Variants in STK31 observed in about 807,000 individuals in gnomAD.
The protein encoded by STK31 is serine/threonine-protein kinase 31.
A neutral mutation model predicts 129.7 loss-of-function variants in STK31; 89 were observed. That is an observed-to-expected ratio of 0.69 (90% CI 0.58 to 0.82). The LOEUF (loss-of-function observed/expected upper bound fraction) is 0.82. Ranked by LOEUF, STK31 falls within the 40% of genes least tolerant of loss-of-function variation. STK31 has a pLI of 0.00. For missense variants in STK31, 1,187 were observed against 1,176.4 expected (o/e 1.01, Z -0.13); for synonymous variants, 448 against 395.3 (o/e 1.13, Z -1.58).
At chr7:23,715,726 C>G (rs1297498212) in intron 3 of STK31, among the ~76,000 whole-genome samples, 2 of 152,146 alleles carry the variant, frequency 1.3e-5, no homozygotes. Context: ...AGTTCCTGTT[C>G]TATGCTGAGA....
upstream of STK31, chr7:23,710,112 G>A (rs1313998491): frequency 3.6e-6 from 4 of 1,124,748 alleles, no homozygotes; most frequent in Non-Finnish European, 5.0e-6. Context: ...GCGTCAGGCG[G>A]CTCCCGCACG....
At chr7:23,721,328 C>G in intron 4 of STK31, 1 of 698,094 alleles carries the variant, frequency 1.4e-6, no homozygotes, top group Non-Finnish European at 2.5e-6. Context: ...TAAAATATGT[C>G]AAGTAAGCTT....
Position 23,754,310 on chromosome 7 carries a change from A to C in STK31, c.1134-5A>C. 6.3e-7 allele frequency: 1 copy of C among 1,596,698 alleles called. No homozygotes were observed. The highest frequency in any genetic ancestry group is 1.2e-5 in the South Asian group (1 of 86,658). ...TCTTCTTCTTTTTGATGTTTTTAAA[A>C]ATAGGCATGTCGACATCAGTGTCCG... On this transcript the variant is annotated splice_region_variant and splice_polypyrimidine_tract_variant and intron_variant, in intron 9 of 23. Transcript: ENST00000355870.
intron 23 of STK31, among the ~76,000 whole-genome samples, chr7:23,825,202 A>G (rs1405519084): frequency 2.0e-5 from 3 of 152,292 alleles, no homozygotes; most frequent in Non-Finnish European, 2.9e-5. Context: ...CCTCTGGTAG[A>G]ATTTAGCTGT....
intron 1 of STK31, chr7:23,710,635 C>T: frequency 1.6e-6 from 2 of 1,229,174 alleles, no homozygotes; most frequent in South Asian, 3.9e-5. Context: ...TTCAAAATCC[C>T]TTATAAAATA....
chr7:23,760,669 C>CT (rs1460868574), intron 10 of STK31, among the ~76,000 whole-genome samples: 2 of 151,746 alleles, frequency 1.3e-5, no homozygotes, highest in South Asian at 2.1e-4. Context: ...AAAAATTACT[C>CT]TTTTTTTTGA....
intron 8 of STK31, among the ~76,000 whole-genome samples, chr7:23,742,468 G>A (rs1201351026): frequency 6.6e-6 from 1 of 152,232 alleles, no homozygotes; most frequent in African/African-American, 2.4e-5. Flanking sequence ...TTGGGTGCCT[G>A]TGGGATTCTG....
At chr7:23,803,441 A>G (rs1394747072) in intron 22 of STK31, among the ~76,000 whole-genome samples, 2 of 152,244 alleles carry the variant, frequency 1.3e-5, no homozygotes, top group African/African-American at 4.8e-5. Flanking sequence ...TTTTGGGCAT[A>G]TCAAAGATAC....
chr7:23,800,384 T>C (rs1447821250), intron 22 of STK31, among the ~76,000 whole-genome samples: 12 of 152,124 alleles, frequency 7.9e-5, no homozygotes, highest in Admixed American at 7.9e-4. Context: ...ATATACACCA[T>C]GCAATACTGT....
chr7:23,791,222 T>C lies in STK31; in HGVS notation c.2760+276T>C, dbSNP rs565227314. On this transcript the variant is annotated intron_variant, in intron 22 of 23. Coordinates refer to ENST00000355870, the MANE Select transcript of STK31 (RefSeq NM_031414.5). Reference sequence around the variant, plus strand: ...TTGTCCTACATTAATCTGAAAGCAGTTCATGCATATATGGAAAATAAATGT... The same window carrying C: ...TTGTCCTACATTAATCTGAAAGCAGCTCATGCATATATGGAAAATAAATGT... 1.1e-5 allele frequency: 11 copies of C among 965,004 alleles called. No homozygotes were observed. In the African/African-American group the frequency reaches 1.9e-4, roughly 17 times the overall value. 59.8% of individuals were successfully genotyped at this position (965,004 alleles called of 1,614,324 possible). A position where few individuals can be genotyped will look rare whatever the true frequency, so the allele number is the denominator to read the frequency against.
In STK31 at chr7:23,785,493, C is replaced by T; in HGVS notation, c.2164C>T (p.Leu722Phe). ...TTGTGCCTAGAACTCTGGTGGTCTCCTTACAATGAGCTTGGAACGAGATCT... is the reference window on the plus strand; with the variant it reads ...TTGTGCCTAGAACTCTGGTGGTCTCTTTACAATGAGCTTGGAACGAGATCT... ...LLKYMNSGGL[L>F]TMSLERDLLD... is the part of the protein sequence containing the mutation. The change falls in exon 18 of 24, where the codon CTT becomes TTT. Residue 722 changes from leucine (L) to phenylalanine (F), a missense_variant. This residue lies in a region of STK31 where 975 missense variants were observed against 934.9 expected (regional missense o/e 1.04). Coordinates refer to ENST00000355870, the MANE Select transcript of STK31 (RefSeq NM_031414.5). 6.2e-7 allele frequency: 1 copy of T among 1,613,710 alleles called. No homozygotes were observed. Among genetic ancestry groups the T allele is most frequent in the Non-Finnish European group, 8.5e-7 (1 of 1,179,756 alleles).
chr7:23,730,878 A>ATATATATATTTTTTTTTT, intron 6 of STK31, among the ~76,000 whole-genome samples: 1 of 59,552 alleles, frequency 1.7e-5, no homozygotes, highest in Non-Finnish European at 3.3e-5. Context: ...ATATATATAT[A>ATATATATATTTTTTTTTT]TTTTTTTTTT....
At chr7:23,762,333 T>A (rs1584402657) in intron 10 of STK31, among the ~76,000 whole-genome samples, 3 of 151,658 alleles carry the variant, frequency 2.0e-5, no homozygotes, top group Non-Finnish European at 4.4e-5. Flanking sequence ...TAATACAGTA[T>A]GGTAAGTGCT....
At chr7:23,727,645 C>T (rs1171376142) in intron 5 of STK31, 3 of 210,616 alleles carry the variant, frequency 1.4e-5, no homozygotes, top group African/African-American at 7.8e-5. Context: ...TCACTGCAAA[C>T]TCTGCCTCCT....
At chr7:23,744,686 C>G (rs1481098018) in intron 8 of STK31, among the ~76,000 whole-genome samples, 1 of 152,086 alleles carries the variant, frequency 6.6e-6, no homozygotes, top group Non-Finnish European at 1.5e-5. Context: ...GTAGCATAGT[C>G]TTTGTATGAT....
chr7:23,781,880 CT>C (rs1426339634), intron 16 of STK31, among the ~76,000 whole-genome samples: 2 of 151,964 alleles, frequency 1.3e-5, no homozygotes, highest in Non-Finnish European at 2.9e-5. Flanking sequence ...TGCATATTGC[CT>C]TTTTTCTGTT....
intron 23 of STK31, among the ~76,000 whole-genome samples, chr7:23,823,437 T>G (rs1418729814): frequency 1.3e-5 from 2 of 152,354 alleles, no homozygotes; most frequent in African/African-American, 4.8e-5. Flanking sequence ...CACTTTTTGA[T>G]GGGGTTGTTT....
chr7:23,796,182 A>G (rs1791938392), intron 22 of STK31, among the ~76,000 whole-genome samples: 1 of 152,206 alleles, frequency 6.6e-6, no homozygotes, highest in Non-Finnish European at 1.5e-5. Context: ...TATTTGAATT[A>G]CGGGGTGGTT....
chr7:23,717,067 G>T (rs978141543), intron 3 of STK31, among the ~76,000 whole-genome samples: 5 of 136,672 alleles, frequency 3.7e-5, no homozygotes, highest in African/African-American at 1.1e-4. Context: ...CCAAAGTGAT[G>T]GGATTACAGG....
Sources: allele counts gnomAD v4.1 joint callset (sites outside exome capture counted in the v4.1 genomes callset), GRCh38; gene constraint gnomAD v4.1.1; regional missense constraint gnomAD v4.1.1; transcripts MANE v1.5; gene names NCBI Gene and HGNC (gene_info 2026-07-23, HGNC 2026-07-21).